Variants in TBC1D32 observed in about 807,000 individuals in gnomAD.
TBC1D32 encodes the protein TBC1 domain family member 32.
Under a neutral mutation model 170.3 loss-of-function variants are expected in TBC1D32, and 151 were observed. That is an observed-to-expected ratio of 0.89 (90% CI 0.78 to 1.01). TBC1D32 has a LOEUF of 1.01. Ranked by LOEUF, TBC1D32 falls within the 50% of genes least tolerant of loss-of-function variation. The probability of loss-of-function intolerance (pLI) is 0.00; values close to 1 mark genes in which losing one functional copy is unlikely to be tolerated. For synonymous variants in TBC1D32, 498 were observed against 488.0 expected, an observed-to-expected ratio of 1.02 and a Z score of -0.27; for missense variants, 1,464 against 1,457.1, an observed-to-expected ratio of 1.00 and a Z score of -0.08.
chr6:121,248,167 C>A (rs933263035), intron 17 of TBC1D32, among the ~76,000 whole-genome samples: 4 of 151,878 alleles, frequency 2.6e-5, no homozygotes, highest in Admixed American at 6.6e-5. Flanking sequence ...CCAAAAGGAA[C>A]CCTCAAAACT....
chr6:121,142,138 T>C (rs1172141297), intron 24 of TBC1D32, among the ~76,000 whole-genome samples: 3 of 152,344 alleles, frequency 2.0e-5, no homozygotes, highest in Admixed American at 6.5e-5. Context: ...TGCAAACTCT[T>C]TTTGACCCCT....
rs144767887 is a variant in TBC1D32, at chr6:121,183,380, A to G, written c.2570+21695T>C. Among the ~76,000 whole-genome samples, 815 of 152,252 alleles carry G rather than the reference A, an allele frequency of 5.4e-3. 7 individuals are homozygous for G. The highest frequency in any genetic ancestry group is 0.019 in the African/African-American group (784 of 41,578). ...TGTTTGAAGATGATAAAGACATAAC[A>G]GTTTGTTTGCTTGCAGCAAAGCTTT... On this transcript the variant is annotated intron_variant, in intron 22 of 31. Transcript: ENST00000398212.
chr6:121,247,904 A>C (rs1264209959), intron 17 of TBC1D32, among the ~76,000 whole-genome samples: 1 of 152,086 alleles, frequency 6.6e-6, no homozygotes, highest in Non-Finnish European at 1.5e-5. Flanking sequence ...AGCACTAGAC[A>C]GGTCATCAAG....
rs1054624902 is a variant in TBC1D32, at chr6:121,266,714, T to C, written c.1734-10429A>G. ...AAGAAAATGTGGCACACATACACCA[T>C]GGAATACTATGCAGCCATAAAAATG... On this transcript the variant is annotated intron_variant, in intron 15 of 31. Coordinates refer to ENST00000398212, the MANE Select transcript of TBC1D32 (RefSeq NM_152730.6). Among the ~76,000 whole-genome samples the C allele has an allele frequency of 5.3e-5, 8 of 152,230 alleles. No homozygotes were observed. The East Asian group carries it at 7.7e-4, about 15-fold the overall frequency.
intron 24 of TBC1D32, among the ~76,000 whole-genome samples, chr6:121,157,434 T>C (rs1441607646): frequency 6.6e-6 from 1 of 152,060 alleles, no homozygotes; most frequent in African/African-American, 2.4e-5. Context: ...CAGCAGACAG[T>C]TGGGTCTTAT....
At position 121,266,817 on chromosome 6, in the gene TBC1D32, A is replaced by C. The variant is rs542166344; in HGVS notation, c.1734-10532T>G. ...TCAGCAAACTAACACGGAAACAAAA[A>C]ACCAAATACCACATGTTCTCACTCA... On this transcript the variant is annotated intron_variant, in intron 15 of 31. Coordinates refer to ENST00000398212, the MANE Select transcript of TBC1D32 (RefSeq NM_152730.6). Among the ~76,000 whole-genome samples the C allele has an allele frequency of 1.0e-3, 152 of 152,158 alleles. 1 individual carries two copies. The highest frequency in any genetic ancestry group is 3.5e-3 in the African/African-American group (144 of 41,494).
chr6:121,242,051 T>TA (rs963038577), intron 18 of TBC1D32, 150 bp downstream of exon 18: 420 of 739,318 alleles, frequency 5.7e-4, no homozygotes, highest in Middle Eastern at 1.2e-3. Context: ...AATGTTTTCC[T>TA]AAAAAAAAAT....
rs1775563391 is a variant in TBC1D32 at position 121,080,820 on chromosome 6, C to T, written c.3725G>A (p.Arg1242Gln). 9 of 1,613,702 alleles carry T rather than the reference C, an allele frequency of 5.6e-6. No homozygotes were observed. Among genetic ancestry groups the T allele is most frequent in the Non-Finnish European group, 6.8e-6 (8 of 1,179,870 alleles). Residue 1242 changes from arginine to glutamine, a missense_variant, in exon 32 of 32, where the codon CGA becomes CAA. By Grantham distance (43) the Arg-to-Gln change is conservative. Transcript: ENST00000398212. ...EYMEILEQNY[R>Q]TVLLRDMRNI... ...CCGCATGTCTCTCAGCAGCACTGTT[C>T]GGTAGTTTTGTTCCAAAATTTCCAT... is the stretch of plus-strand genomic sequence containing the variant.
chr6:121,293,227 G>A (rs1473224794), intron 11 of TBC1D32, among the ~76,000 whole-genome samples: 8 of 150,182 alleles, frequency 5.3e-5, no homozygotes, highest in Non-Finnish European at 8.9e-5. Flanking sequence ...TGAGGGGAAA[G>A]GAGCTAAATA....
At chr6:121,199,788 T>C (rs746440629) in intron 22 of TBC1D32, among the ~76,000 whole-genome samples, 1 of 151,404 alleles carries the variant, frequency 6.6e-6, no homozygotes, top group South Asian at 2.1e-4. Context: ...TAAGTCTAGT[T>C]AGCAACTGGG....
chr6:121,224,709 T>C (rs1794875337), intron 20 of TBC1D32, among the ~76,000 whole-genome samples: 1 of 152,110 alleles, frequency 6.6e-6, no homozygotes, highest in African/African-American at 2.4e-5. Flanking sequence ...TGAAGTCAAG[T>C]CCATGTTATA....
At position 121,081,435 on chromosome 6, in the gene TBC1D32, G is replaced by T. The variant is rs74329888; in HGVS notation, c.3655-545C>A. Among the ~76,000 whole-genome samples the T allele has an allele frequency of 5.3e-5, 8 of 152,162 alleles. No individual in the cohort carries two copies. In the East Asian group the frequency reaches 1.2e-3, roughly 22 times the overall value. On this transcript the variant is annotated intron_variant, in intron 31 of 31. Coordinates refer to ENST00000398212, the MANE Select transcript of TBC1D32 (RefSeq NM_152730.6). ...CCGTTTAACAGTTTAGAGTCTTTTAGGGAATTTTATGACCATTCCTTTTAG... is the reference window on the plus strand; with the variant it reads ...CCGTTTAACAGTTTAGAGTCTTTTATGGAATTTTATGACCATTCCTTTTAG...
intron 15 of TBC1D32, among the ~76,000 whole-genome samples, chr6:121,265,454 A>G (rs1001707657): frequency 1.5e-4 from 23 of 152,180 alleles, no homozygotes; most frequent in African/African-American, 5.5e-4. Flanking sequence ...ATGGATAGCA[A>G]GAATCAACAT....
chr6:121,231,778 T>G (rs772225603), intron 20 of TBC1D32, among the ~76,000 whole-genome samples: 1 of 152,164 alleles, frequency 6.6e-6, no homozygotes, highest in Non-Finnish European at 1.5e-5. Context: ...TGTGTTTTTC[T>G]TGCTGATTTG....
chr6:121,265,565 A>T (rs1331624640), intron 15 of TBC1D32, among the ~76,000 whole-genome samples: 1 of 141,160 alleles, frequency 7.1e-6, no homozygotes, highest in African/African-American at 2.5e-5. Flanking sequence ...AAAACTACTT[A>T]AAAAAAATTC....
chr6:121,286,764 T>TA (rs1268177955), intron 12 of TBC1D32, among the ~76,000 whole-genome samples: 1 of 152,190 alleles, frequency 6.6e-6, no homozygotes, highest in African/African-American at 2.4e-5. Context: ...AAGGTCGGGT[T>TA]ACGCACAAAG....
intron 11 of TBC1D32, among the ~76,000 whole-genome samples, chr6:121,292,910 TG>T (rs148227308): frequency 0.024 from 3,632 of 152,196 alleles, 156 homozygotes; most frequent in East Asian, 0.12. Context: ...TTGTAATAGC[TG>T]TTACGGAACG....
At chr6:121,307,898 G>A (rs73526695) in intron 5 of TBC1D32, 78 bp downstream of exon 5, 77,202 of 1,450,316 alleles carry the variant, frequency 0.053, 3,260 homozygotes, top group African/African-American at 0.22. Flanking sequence ...GAAAACTATC[G>A]TAACTATCAT....
At chr6:121,159,912 TA>T in intron 24 of TBC1D32, 97 bp downstream of exon 24, 1 of 812,174 alleles carries the variant, frequency 1.2e-6, no homozygotes, top group Non-Finnish European at 2.0e-6. Flanking sequence ...GTATACATGC[TA>T]AATGCAGTCA....
Sources: allele counts gnomAD v4.1 joint callset (sites outside exome capture counted in the v4.1 genomes callset), GRCh38; gene constraint gnomAD v4.1.1; transcripts MANE v1.5; gene names NCBI Gene and HGNC (gene_info 2026-07-23, HGNC 2026-07-21).